Variants in MOB3B observed in about 807,000 individuals in gnomAD.
MOB3B encodes MOB kinase activator 3B.
A neutral mutation model predicts 18.7 loss-of-function variants in MOB3B; 7 were observed. The ratio of observed to expected loss-of-function variants is 0.37; its 90% confidence interval spans 0.21 to 0.70. The LOEUF (loss-of-function observed/expected upper bound fraction) is 0.70, where lower values mean the gene tolerates loss of function less well. Ranked by LOEUF, MOB3B falls within the 30% of genes least tolerant of loss-of-function variation. The pLI is 0.52. For missense variants in MOB3B, 253 were observed against 281.3 expected (o/e 0.90, Z 0.72); for synonymous variants, 111 against 99.9 (o/e 1.11, Z -0.66).
intron 1 of MOB3B, among the ~76,000 whole-genome samples, chr9:27,496,663 T>G (rs10812604): frequency 0.64 from 96,979 of 152,058 alleles, 32,012 homozygotes; most frequent in Non-Finnish European, 0.71. Context: ...GTTTTAAAAT[T>G]TAGCTCTGGT....
chr9:27,368,770 C>G (rs1045674304), intron 2 of MOB3B, among the ~76,000 whole-genome samples: 1 of 152,192 alleles, frequency 6.6e-6, no homozygotes, highest in African/African-American at 2.4e-5. Flanking sequence ...AGTCTTAATT[C>G]TTTCAGACAT....
intron 1 of MOB3B, among the ~76,000 whole-genome samples, chr9:27,526,669 A>G (rs1177528692): frequency 1.3e-5 from 2 of 152,218 alleles, no homozygotes; most frequent in East Asian, 3.8e-4. Flanking sequence ...GCTTTTTTAA[A>G]GATCACATCT....
chr9:27,525,644 C>G (rs1820425073), intron 1 of MOB3B, among the ~76,000 whole-genome samples: 1 of 152,182 alleles, frequency 6.6e-6, no homozygotes, highest in Non-Finnish European at 1.5e-5. Context: ...GCACACTCTT[C>G]ATTCCTGATG....
At position 27,393,456 on chromosome 9, in the gene MOB3B, T is replaced by C. The variant is rs542890782; in HGVS notation, c.419-34220A>G. 2.6e-4 allele frequency among the ~76,000 whole-genome samples: 39 copies of C among 152,018 alleles called. No homozygotes were observed. The South Asian group carries it at 6.7e-3, about 26-fold the overall frequency. ...GGATGAGGAGGTAGTTGCTCTGTTG[T>C]GGAACTCGAAGGACACCATCGATAC... On this transcript the variant is annotated intron_variant, in intron 2 of 3. Transcript: ENST00000262244.
rs574310102 is a variant in MOB3B at position 27,485,199 on chromosome 9, A to G, written c.-198-29451T>C. The stretch of plus-strand genomic sequence containing the variant: ...TATTAACTCATTTAATCCTCGAAAC[A>G]ACCCATGAGGTAAGTACTGTTATTA... On this transcript the variant is annotated intron_variant, in intron 1 of 3. Coordinates refer to ENST00000262244, the MANE Select transcript of MOB3B (RefSeq NM_024761.5). Among the ~76,000 whole-genome samples, 3 of 152,338 alleles carry G rather than the reference A, an allele frequency of 2.0e-5. No individual in the cohort carries two copies. The South Asian group carries it at 6.2e-4, about 32-fold the overall frequency.
intron 1 of MOB3B, among the ~76,000 whole-genome samples, chr9:27,509,687 G>A (rs569914621): frequency 1.0e-3 from 154 of 151,990 alleles, no homozygotes; most frequent in African/African-American, 3.5e-3. Flanking sequence ...AAAGTGCTGA[G>A]ATTACAGGAG....
chr9:27,351,266 G>T (rs1821101773), intron 3 of MOB3B, among the ~76,000 whole-genome samples: 1 of 152,202 alleles, frequency 6.6e-6, no homozygotes, highest in African/African-American at 2.4e-5. Flanking sequence ...TTGGATGAAA[G>T]ATGACAGGGC....
At chr9:27,490,624 G>T (rs966642356) in intron 1 of MOB3B, among the ~76,000 whole-genome samples, 2 of 152,132 alleles carry the variant, frequency 1.3e-5, no homozygotes, top group Admixed American at 1.3e-4. Flanking sequence ...ACCTAGGGTG[G>T]CTCAGGAGCT....
At chr9:27,388,941 C>A (rs117735461) in intron 2 of MOB3B, among the ~76,000 whole-genome samples, 1 of 152,294 alleles carries the variant, frequency 6.6e-6, no homozygotes, top group East Asian at 1.9e-4. Flanking sequence ...CTCGCCTGAC[C>A]ACTGTAAACA....
At chr9:27,413,107 G>A (rs1373760757) in intron 2 of MOB3B, among the ~76,000 whole-genome samples, 2 of 152,184 alleles carry the variant, frequency 1.3e-5, no homozygotes, top group African/African-American at 2.4e-5. Flanking sequence ...CCCAGGCAGG[G>A]CCCAAAATAG....
chr9:27,415,983 A>T (rs985742384), intron 2 of MOB3B, among the ~76,000 whole-genome samples: 1 of 152,224 alleles, frequency 6.6e-6, no homozygotes, highest in African/African-American at 2.4e-5. Context: ...CCCCTGGATT[A>T]TCTGTAGGTA....
intron 3 of MOB3B, among the ~76,000 whole-genome samples, chr9:27,345,277 G>C (rs1447680465): frequency 1.3e-5 from 2 of 152,026 alleles, no homozygotes; most frequent in Non-Finnish European, 2.9e-5. Flanking sequence ...AGGTTGTAAT[G>C]GGTCAGAACT....
At position 27,417,380 on chromosome 9, in the gene MOB3B, A is replaced by AAAACAAAC. The variant is rs56379530; in HGVS notation, c.418+37745_418+37752dup. ...CTCCGTCTCAAAAACAAAAGGAAAC[A>AAAACAAAC]AAACAAACAAACAAACAAACAAACA... is the stretch of plus-strand genomic sequence containing the variant. On this transcript the variant is annotated intron_variant, in intron 2 of 3. Coordinates refer to ENST00000262244, the MANE Select transcript of MOB3B (RefSeq NM_024761.5). Among the ~76,000 whole-genome samples, 302 of 151,026 alleles carry AAAACAAAC rather than the reference A, an allele frequency of 2.0e-3. 1 individual carries two copies. The highest frequency in any genetic ancestry group is 7.7e-3 in the East Asian group (39 of 5,046).
At chr9:27,371,036 G>T (rs1198388995) in intron 2 of MOB3B, among the ~76,000 whole-genome samples, 1 of 152,154 alleles carries the variant, frequency 6.6e-6, no homozygotes, top group Non-Finnish European at 1.5e-5. Flanking sequence ...CTGATACCGA[G>T]GAAGAAGTAT....
intron 2 of MOB3B, among the ~76,000 whole-genome samples, chr9:27,380,210 G>C (rs2131373684): frequency 6.6e-6 from 1 of 151,600 alleles, no homozygotes; most frequent in Non-Finnish European, 1.5e-5. Flanking sequence ...TTTCCCTCTT[G>C]GGACCAATCA....
In MOB3B at chr9:27,502,269, T is replaced by C. The variant is rs564813003; in HGVS notation, c.-199+27286A>G. Among the ~76,000 whole-genome samples, 3 of 152,342 alleles carry C rather than the reference T, an allele frequency of 2.0e-5. No individual in the cohort carries two copies. In the South Asian group the frequency reaches 6.2e-4, roughly 32 times the overall value. Reference sequence around the variant, plus strand: ...CCAGCACTTTAGGACCTGGAGTCATTGATCTAGGTCTCCCACACAATATCA... The same window carrying C: ...CCAGCACTTTAGGACCTGGAGTCATCGATCTAGGTCTCCCACACAATATCA... On this transcript the variant is annotated intron_variant, in intron 1 of 3. Coordinates refer to ENST00000262244, the MANE Select transcript of MOB3B (RefSeq NM_024761.5).
At chr9:27,410,538 C>T (rs4879472) in intron 2 of MOB3B, among the ~76,000 whole-genome samples, 126,972 of 151,922 alleles carry the variant, frequency 0.84, 53,367 homozygotes, top group East Asian at 1. Flanking sequence ...TCAGTTGTTC[C>T]TGTGATGAAT....
intron 2 of MOB3B, among the ~76,000 whole-genome samples, chr9:27,418,728 T>C (rs1008492467): frequency 1.3e-5 from 2 of 152,108 alleles, no homozygotes; most frequent in Non-Finnish European, 2.9e-5. Context: ...GCCAACATAA[T>C]ACTGAATGGG....
rs1171362204 is a variant in MOB3B at position 27,522,242 on chromosome 9, C to CAAAAAAAAAAAA, written c.-199+7301_-199+7312dup. On this transcript the variant is annotated intron_variant, in intron 1 of 3. Transcript: ENST00000262244. ...GGAGACAGAGCAAGACCCCGTCTCA[C>CAAAAAAAAAAAA]AAAAAAAAAAAAAAAAAAAAAAAAG... Among the ~76,000 whole-genome samples, 272 of 56,040 alleles carry CAAAAAAAAAAAA rather than the reference C, an allele frequency of 4.9e-3. 2 individuals carry two copies. Among genetic ancestry groups the CAAAAAAAAAAAA allele is most frequent in the Middle Eastern group, 0.029 (1 of 34 alleles). The allele number at this position is 56,040 out of a possible 152,430, so 36.8% of individuals were successfully genotyped here. A position where few individuals can be genotyped will look rare whatever the true frequency, so the allele number is the denominator to read the frequency against.
Sources: allele counts gnomAD v4.1 joint callset (sites outside exome capture counted in the v4.1 genomes callset), GRCh38; gene constraint gnomAD v4.1.1; transcripts MANE v1.5; gene names NCBI Gene and HGNC (gene_info 2026-07-23, HGNC 2026-07-21).